ZNF646: variants seen among roughly 807,000 people sequenced by gnomAD.
The protein encoded by ZNF646 is zinc finger protein 646.
In ZNF646, 49 loss-of-function variants were observed where a neutral mutation model predicts 115.4. The observed-to-expected ratio is 0.42, with a 90% confidence interval of 0.34 to 0.54. The LOEUF is 0.54. Ranked by LOEUF, ZNF646 falls within the 20% of genes least tolerant of loss-of-function variation. The pLI is 0.04. For synonymous variants in ZNF646, 933 were observed against 939.0 expected, an observed-to-expected ratio of 0.99 and a Z score of 0.12; for missense variants, 2,269 against 2,457.9, an observed-to-expected ratio of 0.92 and a Z score of 1.62.
Position 31,081,143 on chromosome 16 carries a change from C to T in ZNF646, c.4819C>T (p.His1607Tyr), listed in dbSNP as rs760723352. 1.0e-5 allele frequency: 16 copies of T among 1,604,360 alleles called. No individual in the cohort carries two copies. The highest frequency in any genetic ancestry group is 1.1e-5 in the Non-Finnish European group (13 of 1,173,818). Residue 1607 changes from histidine to tyrosine, a missense_variant, in exon 2 of 3, where the codon CAT (histidine) becomes TAT (tyrosine). By Grantham distance (83) the His-to-Tyr change is moderately conservative. Coordinates refer to ENST00000300850, the MANE Select transcript of ZNF646 (RefSeq NM_014699.4). Reference protein sequence around the residue: ...HQELASHLQAHARGHSQVPAQ... With the variant: ...HQELASHLQAYARGHSQVPAQ... The stretch of plus-strand genomic sequence containing the variant: ...GGAACTGGCCAGCCACCTGCAGGCT[C>T]ATGCCCGGGGCCACAGCCAGGTGCC...
At chr16:31,082,407 T>G (rs1348426977) in intron 2 of ZNF646, 1 of 178,942 alleles carries the variant, frequency 5.6e-6, no homozygotes, top group Non-Finnish European at 1.3e-5. Flanking sequence ...CTGCGCACCC[T>G]GCCACCCTCT....
Position 31,078,514 on chromosome 16 carries a change from G to C in ZNF646, c.2190G>C (p.Leu730Phe). 6.3e-7 allele frequency: 1 copy of C among 1,594,244 alleles called. No homozygotes were observed. The highest frequency in any genetic ancestry group is 8.6e-7 in the Non-Finnish European group (1 of 1,167,610). ...ACCTGGAAAGTGATGGGGACTGTTTGCAGGCTGAATCTGAAGGGGACAAAT... is the reference window on the plus strand; with the variant it reads ...ACCTGGAAAGTGATGGGGACTGTTTCCAGGCTGAATCTGAAGGGGACAAAT... ...EGNLESDGDC[L>F]QAESEGDKCG... The change falls in exon 2 of 3, where the codon TTG (leucine) becomes TTC (phenylalanine). Residue 730 changes from leucine (L) to phenylalanine (F), a missense_variant. By Grantham distance (22) the Leu-to-Phe change is conservative. Around this residue, in one of 5 missense-constraint regions of ZNF646, gnomAD observed 852 missense variants for 900.2 expected, o/e 0.95. Transcript: ENST00000300850.
intron 2 of ZNF646, 199 bp downstream of exon 2, chr16:31,081,900 T>G: frequency 3.3e-6 from 3 of 917,864 alleles, no homozygotes; most frequent in East Asian, 2.7e-5. Flanking sequence ...GTATAACAAA[T>G]AGCAGGGTGG....
At position 31,080,316 on chromosome 16, in the gene ZNF646, G is replaced by A; in HGVS notation, c.3992G>A (p.Cys1331Tyr). The change falls in exon 2 of 3, where the codon TGC (cysteine) becomes TAC (tyrosine). Residue 1331 changes from cysteine to tyrosine, a missense_variant. By Grantham distance (194) the Cys-to-Tyr change is radical. Coordinates refer to ENST00000300850, the MANE Select transcript of ZNF646 (RefSeq NM_014699.4). The part of the protein sequence containing the change: ...HETGQYSCPT[C>Y]PKTYSNRMAL... ...ACGGGCCAGTACAGCTGCCCCACCT[G>A]CCCCAAGACCTACTCCAACCGCATG... The A allele has an allele frequency of 6.2e-7, 1 of 1,613,500 alleles. No individual in the cohort carries two copies. Among genetic ancestry groups the A allele is most frequent in the Non-Finnish European group, 8.5e-7 (1 of 1,179,914 alleles).
rs746959210 is a variant in ZNF646, at chr16:31,078,495, A to G, written c.2171A>G (p.Glu724Gly). 4 of 1,589,976 alleles carry G rather than the reference A, an allele frequency of 2.5e-6. No homozygotes were observed. The highest frequency in any genetic ancestry group is 3.4e-6 in the Non-Finnish European group (4 of 1,165,520). Residue 724 changes from glutamate to glycine, a missense_variant, in exon 2 of 3, where the codon GAA becomes GGA. Physicochemically the swap from Glu to Gly is moderately conservative, Grantham distance 98. Transcript: ENST00000300850. ...CCTCATGGGGCTGAAGGCAACCTGG[A>G]AAGTGATGGGGACTGTTTGCAGGCT... Reference protein sequence around the residue: ...ESPHGAEGNLESDGDCLQAES... With the variant: ...ESPHGAEGNLGSDGDCLQAES...
In ZNF646 at chr16:31,076,446, C is replaced by T. The variant is rs776486536; in HGVS notation, c.122C>T (p.Ala41Val). 54 of 1,613,948 alleles carry T rather than the reference C, an allele frequency of 3.3e-5. No individual in the cohort carries two copies. The highest frequency in any genetic ancestry group is 3.8e-5 in the Non-Finnish European group (45 of 1,180,012). Reference sequence around the variant, plus strand: ...TCTCCCAACCAGGACAGTGAGGAGGCTGACAGCATCCCTCGGCCCTACCGT... The same window carrying T: ...TCTCCCAACCAGGACAGTGAGGAGGTTGACAGCATCCCTCGGCCCTACCGT... ...HPSPNQDSEEADSIPRPYRCQ... is the reference protein window; with the variant it reads ...HPSPNQDSEEVDSIPRPYRCQ... Residue 41 changes from alanine (A) to valine (V), a missense_variant, in exon 2 of 3, where the codon GCT (alanine) becomes GTT (valine). By Grantham distance (64) the Ala-to-Val change is moderately conservative. Coordinates refer to ENST00000300850, the MANE Select transcript of ZNF646 (RefSeq NM_014699.4).
chr16:31,077,986 T>C lies in ZNF646; in HGVS notation c.1662T>C (p.His554=). 1.2e-6 allele frequency: 2 copies of C among 1,613,950 alleles called. No homozygotes were observed. Among genetic ancestry groups the C allele is most frequent in the Non-Finnish European group, 1.7e-6 (2 of 1,180,030 alleles). The change falls in exon 2 of 3, where the codon CAT becomes CAC. Residue 554 remains histidine (H), a synonymous_variant. Coordinates refer to ENST00000300850, the MANE Select transcript of ZNF646 (RefSeq NM_014699.4). ...AEAAPHTDQD[H]VCKHEEEATD... is the part of the protein sequence containing the mutation. ...CAGCCCCGCACACAGATCAGGACCA[T>C]GTGTGCAAACATGAAGAAGAGGCCA...
chr16:31,083,179 G>C lies in ZNF646; in HGVS notation c.*87G>C, dbSNP rs1567413978. 6.6e-7 allele frequency: 1 copy of C among 1,518,452 alleles called. No homozygotes were observed. The allele number at this position is 1,518,452 out of a possible 1,614,324, so 94.1% of individuals were successfully genotyped here. A position where few individuals can be genotyped will look rare whatever the true frequency, so the allele number is the denominator to read the frequency against. ...TCCACATTTTCTCAGGAGTAGTTCG[G>C]GCATCCCCATATCTTCTCCTCTCCC... On this transcript the variant is annotated 3_prime_UTR_variant, in exon 3 of 3. Coordinates refer to ENST00000300850, the MANE Select transcript of ZNF646 (RefSeq NM_014699.4).
chr16:31,080,647 G>C lies in ZNF646; in HGVS notation c.4323G>C (p.Gln1441His). 6.2e-7 allele frequency: 1 copy of C among 1,614,152 alleles called. No homozygotes were observed. Among genetic ancestry groups the C allele is most frequent in the Non-Finnish European group, 8.5e-7 (1 of 1,180,002 alleles). Residue 1441 changes from glutamine to histidine, a missense_variant, in exon 2 of 3, where the codon CAG (glutamine) becomes CAC (histidine). Physicochemically the swap from Gln to His is conservative, Grantham distance 24 (BLOSUM62 0). Around this residue, in one of 5 missense-constraint regions of ZNF646, gnomAD observed 1,062 missense variants for 1,172.8 expected, o/e 0.91. Transcript: ENST00000300850. ...TCCCAAGGCCAGGGGAGCGCAGTCA[G>C]AGCCCCATCAGGGCAGCAAGCTCAG... ...DGVPRPGERS[Q>H]SPIRAASSEA... is the part of the protein sequence containing the mutation.
At chr16:31,075,396 C>T (rs1187896860) in intron 1 of ZNF646, among the ~76,000 whole-genome samples, 1 of 152,168 alleles carries the variant, frequency 6.6e-6, no homozygotes, top group East Asian at 1.9e-4. Flanking sequence ...CTCCCAGGTT[C>T]AAGCAGTTCT....
In ZNF646 at chr16:31,080,729, G is replaced by A. The variant is rs1316048248; in HGVS notation, c.4405G>A (p.Gly1469Arg). The change falls in exon 2 of 3, where the codon GGG (glycine) becomes AGG (arginine). Residue 1469 changes from glycine (G) to arginine (R), a missense_variant. By Grantham distance (125) the Gly-to-Arg change is moderately radical. Coordinates refer to ENST00000300850, the MANE Select transcript of ZNF646 (RefSeq NM_014699.4). ...AGKAGGWPVG[G>R]GLGNHSGGWV... ...GAAGGCAGGTGGGTGGCCGGTAGGT[G>A]GGGGACTGGGGAATCATAGTGGAGG... The A allele has an allele frequency of 6.2e-7, 1 of 1,613,526 alleles. No individual in the cohort carries two copies. Among genetic ancestry groups the A allele is most frequent in the Non-Finnish European group, 8.5e-7 (1 of 1,179,996 alleles).
intron 2 of ZNF646, chr16:31,082,024 C>T (rs370180430): frequency 2.3e-6 from 1 of 438,812 alleles, no homozygotes; most frequent in Non-Finnish European, 4.1e-6. Flanking sequence ...CTGGGTACCC[C>T]CTGGCTGCTG....
Position 31,081,477 on chromosome 16 carries a change from C to CAAGA in ZNF646, c.5153_5154insAAGA (p.Leu1719ArgfsTer3). The CAAGA allele has an allele frequency of 6.2e-7, 1 of 1,614,224 alleles. No individual in the cohort carries two copies. The highest frequency in any genetic ancestry group is 8.5e-7 in the Non-Finnish European group (1 of 1,180,042). ...CCCAAACTTCTCCCTAACCTGCTGT[C>CAAGA]TCTTAAGAACCACAGCAGGACCCAC... On this transcript the variant is annotated frameshift_variant, in exon 2 of 3. Coordinates refer to ENST00000300850, the MANE Select transcript of ZNF646 (RefSeq NM_014699.4). LOFTEE classifies it high-confidence loss of function.
intron 2 of ZNF646, 45 bp from the exon 3 acceptor site, chr16:31,082,926 G>A (rs373694788): frequency 2.3e-4 from 350 of 1,550,568 alleles, no homozygotes; most frequent in Non-Finnish European, 2.9e-4. Context: ...CACGCTGTGC[G>A]GGGTCTGCCC....
intron 2 of ZNF646, chr16:31,082,761 T>G (rs938063601): frequency 4.5e-5 from 27 of 601,954 alleles, no homozygotes; most frequent in Non-Finnish European, 7.4e-5. Flanking sequence ...AGGAATGGCT[T>G]TAAGGATAGA....
chr16:31,081,097 C>T lies in ZNF646; in HGVS notation c.4773C>T (p.Gly1591=), dbSNP rs1161311213. The change falls in exon 2 of 3, where the codon GGC becomes GGT. Residue 1591 remains glycine (G), a synonymous_variant. Transcript: ENST00000300850. ...DAQTFACPDC[G]KAFESHQELA... is the part of the protein sequence containing the mutation. ...AGACCTTTGCCTGTCCTGACTGTGGCAAAGCCTTTGAGTCCCACCAGGAAC... is the reference window on the plus strand; with the variant it reads ...AGACCTTTGCCTGTCCTGACTGTGGTAAAGCCTTTGAGTCCCACCAGGAAC... 1.2e-6 allele frequency: 2 copies of T among 1,613,412 alleles called. No individual in the cohort carries two copies. Among genetic ancestry groups the T allele is most frequent in the East Asian group, 4.5e-5 (2 of 44,880 alleles).
Position 31,077,239 on chromosome 16 carries a change from C to G in ZNF646, c.915C>G (p.Leu305=), listed in dbSNP as rs745899112. The G allele has an allele frequency of 6.2e-7, 1 of 1,614,102 alleles. No individual in the cohort carries two copies. The highest frequency in any genetic ancestry group is 2.2e-5 in the East Asian group (1 of 44,882). Residue 305 remains leucine, a synonymous_variant, in exon 2 of 3, where the codon CTC becomes CTG. Transcript: ENST00000300850. ...CCCACTGCCCCCGTGTCTTCCGGCT[C>G]CCCCGGGAGCTGCTGGAACACCAGC... ...HCPHCPRVFR[L]PRELLEHQQS...
At chr16:31,074,253 A>C (rs1481423849), upstream of ZNF646, 1 of 152,306 alleles carries the variant, frequency 6.6e-6, no homozygotes. Flanking sequence ...CTTAGCGTGC[A>C]AAGACGCCGC....
chr16:31,076,672 C>T lies in ZNF646; in HGVS notation c.348C>T (p.His116=). Reference sequence around the variant, plus strand: ...CACGCCCCAAGGAAGCCACTCCACACCTCCAGGGTGAGACGGTGTCCACTG... The same window carrying T: ...CACGCCCCAAGGAAGCCACTCCACATCTCCAGGGTGAGACGGTGTCCACTG... The part of the protein sequence containing the change: ...RPPRPKEATP[H]LQGETVSTDS... The change falls in exon 2 of 3, where the codon CAC becomes CAT. Residue 116 remains histidine (H), a synonymous_variant. Coordinates refer to ENST00000300850, the MANE Select transcript of ZNF646 (RefSeq NM_014699.4). The T allele has an allele frequency of 3.1e-6, 5 of 1,613,324 alleles. No homozygotes were observed. Among genetic ancestry groups the T allele is most frequent in the Non-Finnish European group, 3.4e-6 (4 of 1,179,826 alleles).
Sources: allele counts gnomAD v4.1 joint callset (sites outside exome capture counted in the v4.1 genomes callset), GRCh38; gene constraint gnomAD v4.1.1; regional missense constraint gnomAD v4.1.1; transcripts MANE v1.5; gene names NCBI Gene and HGNC (gene_info 2026-07-23, HGNC 2026-07-21).